The following ACOT7 variants were observed in gnomAD, a reference collection of about 807,000 sequenced individuals.
ACOT7 encodes cytosolic acyl coenzyme A thioester hydrolase.
In ACOT7, 12 loss-of-function variants were observed where a neutral mutation model predicts 40.2. The observed-to-expected ratio is 0.30, with a 90% CI of 0.19 to 0.48. The LOEUF (loss-of-function observed/expected upper bound fraction) is 0.48, where lower values mean the gene tolerates loss of function less well. ACOT7 is among the 20% of genes least tolerant of loss of function. ACOT7 has a pLI of 0.99. For synonymous variants in ACOT7, 228 were observed against 219.5 expected (o/e 1.04, Z -0.34); for missense variants, 395 against 530.8 (o/e 0.74, Z 2.51).
Position 6,282,989 on chromosome 1 carries a change from C to T in ACOT7, c.830-1703G>A. Reference sequence around the variant, plus strand: ...CCCTCACCAACAATTGTGTATAACACTTGGGAGTCACAGGCCAAAAAGCAG... The same window carrying T: ...CCCTCACCAACAATTGTGTATAACATTTGGGAGTCACAGGCCAAAAAGCAG... On this transcript the variant is annotated intron_variant, in intron 7 of 8. Transcript: ENST00000361521. The surrounding 1 kb of genome is among the most constrained non-coding windows in gnomAD (Gnocchi z 4.5). 1 of 449,608 alleles carries T rather than the reference C, an allele frequency of 2.2e-6. No individual in the cohort carries two copies. Among genetic ancestry groups the T allele is most frequent in the Non-Finnish European group, 4.6e-6 (1 of 215,054 alleles). The allele number at this position is 449,608 out of a possible 1,614,324, so 27.9% of individuals were successfully genotyped here. A position where few individuals can be genotyped will look rare whatever the true frequency, so the allele number is the denominator to read the frequency against.
intron 1 of ACOT7, among the ~76,000 whole-genome samples, chr1:6,369,208 T>C (rs1571348041): frequency 1.3e-5 from 2 of 152,038 alleles, no homozygotes; most frequent in South Asian, 4.1e-4. Context: ...CTCGAACACC[T>C]GACCTCAGGT....
At chr1:6,389,650 G>A (rs1642500706) in intron 1 of ACOT7, among the ~76,000 whole-genome samples, 1 of 151,966 alleles carries the variant, frequency 6.6e-6, no homozygotes, top group Admixed American at 6.6e-5. Flanking sequence ...TGGGCGTGGT[G>A]GCGGGCGTGT....
chr1:6,293,722 C>G (rs1639735186), intron 7 of ACOT7, among the ~76,000 whole-genome samples: 1 of 152,168 alleles, frequency 6.6e-6, no homozygotes, highest in Non-Finnish European at 1.5e-5. Flanking sequence ...AAGGATTCTG[C>G]AAAGTGGAAG....
rs1639174526 is a variant in ACOT7, at chr1:6,275,876, G to A, written c.1014+5226C>T. On this transcript the variant is annotated intron_variant, in intron 8 of 8. Coordinates refer to ENST00000361521, the MANE Select transcript of ACOT7 (RefSeq NM_007274.4). This position sits in a 1 kb window ranked among gnomAD's most constrained non-coding sequence, Gnocchi z 5.6. ...TTCATGAGCACCAGAGAGACCCTCTGGGATGGGCTCCCTCCAGTTTGGAAG... is the reference window on the plus strand; with the variant it reads ...TTCATGAGCACCAGAGAGACCCTCTAGGATGGGCTCCCTCCAGTTTGGAAG... Among the ~76,000 whole-genome samples, 1 of 152,166 alleles carries A rather than the reference G, an allele frequency of 6.6e-6. No homozygotes were observed. Among genetic ancestry groups the A allele is most frequent in the Non-Finnish European group, 1.5e-5 (1 of 68,034 alleles).
Position 6,327,390 on chromosome 1 carries a change from C to G in ACOT7, c.534G>C (p.Glu178Asp), listed in dbSNP as rs377545776. Residue 178 changes from glutamate (E) to aspartate (D), a missense_variant, in exon 5 of 9, where the codon GAG (glutamate) becomes GAC (aspartate). Coordinates refer to ENST00000361521, the MANE Select transcript of ACOT7 (RefSeq NM_007274.4). Reference protein sequence around the residue: ...PVVYSRQEQEEEGRKRYEAQK... With the variant: ...PVVYSRQEQEDEGRKRYEAQK... ...GGGCTTCATACCGCTTCCGGCCCTC[C>G]TCCTCCTGCTCCTGCCGGGAATACT... 1.6e-4 allele frequency: 266 copies of G among 1,614,090 alleles called. No homozygotes were observed. Among genetic ancestry groups the G allele is most frequent in the Non-Finnish European group, 2.2e-4 (254 of 1,180,050 alleles).
At chr1:6,283,266 C>T (rs1044990746) in intron 7 of ACOT7, among the ~76,000 whole-genome samples, 5 of 152,150 alleles carry the variant, frequency 3.3e-5, no homozygotes, top group African/African-American at 1.2e-4. Flanking sequence ...CAGGTTTAAG[C>T]GACTGTCACA....
At chr1:6,290,087 G>A (rs890736465) in intron 7 of ACOT7, among the ~76,000 whole-genome samples, 3 of 152,222 alleles carry the variant, frequency 2.0e-5, no homozygotes, top group South Asian at 4.1e-4. Flanking sequence ...GTCAGCACGA[G>A]GGGGGGAATG....
intron 7 of ACOT7, among the ~76,000 whole-genome samples, chr1:6,290,091 G>A (rs34647648): frequency 0.079 from 12,072 of 152,186 alleles, 535 homozygotes; most frequent in Non-Finnish European, 0.11. Flanking sequence ...GCACGAGGGG[G>A]GGAATGGGAT....
chr1:6,305,342 A>C (rs1178902176), intron 6 of ACOT7, among the ~76,000 whole-genome samples: 10 of 111,308 alleles, frequency 9.0e-5, no homozygotes, highest in South Asian at 3.1e-4. Context: ...GGCGCCCCTC[A>C]CCTCCCGGAA....
Position 6,355,816 on chromosome 1 carries a change from A to T in ACOT7, c.144-5950T>A, listed in dbSNP as rs933455926. On this transcript the variant is annotated intron_variant, in intron 1 of 8. Transcript: ENST00000361521. The surrounding 1 kb of genome is among the most constrained non-coding windows in gnomAD (Gnocchi z 5.0). ...GGTCCAGCCCACATCCTCGCAGGAC[A>T]GCCCGAGCCTGTTCCGCAGCGGGAG... is the stretch of plus-strand genomic sequence containing the variant. 3.3e-5 allele frequency among the ~76,000 whole-genome samples: 5 copies of T among 152,134 alleles called. No individual in the cohort carries two copies. The South Asian group carries it at 8.3e-4, about 25-fold the overall frequency.
At chr1:6,287,078 G>A (rs1326030115) in intron 7 of ACOT7, among the ~76,000 whole-genome samples, 8 of 152,310 alleles carry the variant, frequency 5.3e-5, no homozygotes, top group Admixed American at 2.6e-4. Context: ...GAGCCACCGC[G>A]CCCAGCTTAA....
chr1:6,292,719 T>C (rs1260258605), intron 7 of ACOT7, among the ~76,000 whole-genome samples: 1 of 150,840 alleles, frequency 6.6e-6, no homozygotes, highest in Non-Finnish European at 1.5e-5. Context: ...TCTTGCTCTG[T>C]TGCCCAGGCT....
chr1:6,347,339 G>A (rs1641457284), intron 2 of ACOT7, among the ~76,000 whole-genome samples: 1 of 152,186 alleles, frequency 6.6e-6, no homozygotes, highest in Admixed American at 6.5e-5. Context: ...GCAAGGAGGG[G>A]CAAGTGTTCA....
At position 6,313,811 on chromosome 1, in the gene ACOT7, C is replaced by CAA. The variant is rs112424224; in HGVS notation, c.712+4679_712+4680dup. Among the ~76,000 whole-genome samples the CAA allele has an allele frequency of 7.8e-3, 1,110 of 142,188 alleles. 20 individuals carry two copies. The highest frequency in any genetic ancestry group is 0.025 in the African/African-American group (998 of 39,356). The allele number at this position is 142,188 out of a possible 152,430, so 93.3% of individuals were successfully genotyped here. A position where few individuals can be genotyped will look rare whatever the true frequency, so the allele number is the denominator to read the frequency against. On this transcript the variant is annotated intron_variant, in intron 6 of 8. Coordinates refer to ENST00000361521, the MANE Select transcript of ACOT7 (RefSeq NM_007274.4). ...ATCGCTCACAGCTGCATTGTTAGTTCAAAAAAAAAAAAGAAAAAGTCCTCT... is the reference window on the plus strand; with the variant it reads ...ATCGCTCACAGCTGCATTGTTAGTTCAAAAAAAAAAAAAAGAAAAAGTCCTCT...
chr1:6,381,341 A>C (rs1313823365), intron 1 of ACOT7, among the ~76,000 whole-genome samples: 1 of 151,742 alleles, frequency 6.6e-6, no homozygotes, highest in East Asian at 1.9e-4. Flanking sequence ...TTTCAGTTTT[A>C]AAAAAAACCT....
chr1:6,335,829 AT>A (rs1214870263), intron 3 of ACOT7, among the ~76,000 whole-genome samples: 1 of 152,300 alleles, frequency 6.6e-6, no homozygotes, highest in Non-Finnish European at 1.5e-5. Flanking sequence ...ATATGGGAAA[AT>A]ATTTCCACCG....
In ACOT7 at chr1:6,276,379, G is replaced by A. The variant is rs963719759; in HGVS notation, c.1014+4723C>T. Among the ~76,000 whole-genome samples the A allele has an allele frequency of 3.9e-5, 6 of 152,228 alleles. No homozygotes were observed. The East Asian group carries it at 7.7e-4, about 20-fold the overall frequency. On this transcript the variant is annotated intron_variant, in intron 8 of 8. Transcript: ENST00000361521. Reference sequence around the variant, plus strand: ...GCCCAAGGTCAGAGGGCACTGCCACGGGGAGGCCTGCCTCTACGCGCTGAG... The same window carrying A: ...GCCCAAGGTCAGAGGGCACTGCCACAGGGAGGCCTGCCTCTACGCGCTGAG...
At chr1:6,387,452 G>A (rs1642458501) in intron 1 of ACOT7, among the ~76,000 whole-genome samples, 1 of 152,036 alleles carries the variant, frequency 6.6e-6, no homozygotes, top group African/African-American at 2.4e-5. Context: ...TTGACTCTCT[G>A]CTGAAGTACT....
intron 1 of ACOT7, among the ~76,000 whole-genome samples, chr1:6,387,941 T>TTTTC (rs200997553): frequency 0.067 from 10,091 of 151,312 alleles, 416 homozygotes; most frequent in Non-Finnish European, 0.091. Context: ...TTTGTTTTTT[T>TTTTC]TTTTTTCTTT....
Sources: gnomAD v4.1 joint callset for allele counts (sites outside exome capture counted in the v4.1 genomes callset) on GRCh38, gnomAD v4.1.1 for gene constraint, Gnocchi (gnomAD v3.1) non-coding constraint, MANE v1.5 for transcripts, NCBI Gene and HGNC (gene_info 2026-07-23, HGNC 2026-07-21) for gene names.